Variants in PTCHD4 observed in about 807,000 individuals in gnomAD.
PTCHD4 encodes the protein patched domain-containing protein 4.
A neutral mutation model predicts 58.1 loss-of-function variants in PTCHD4; 33 were observed. That is an observed-to-expected ratio of 0.57 (90% CI 0.43 to 0.76). The LOEUF is 0.76. Ranked by LOEUF, PTCHD4 falls within the 30% of genes least tolerant of loss-of-function variation. The pLI is 0.00. For synonymous variants in PTCHD4, 478 were observed against 409.6 expected (o/e 1.17, Z -2.02); for missense variants, 1,058 against 1,027.1 (o/e 1.03, Z -0.41).
rs1331693920 is a variant in PTCHD4 at position 47,877,473 on chromosome 6, T to C, written c.*830A>G. On this transcript the variant is annotated 3_prime_UTR_variant, in exon 5 of 5. Coordinates refer to ENST00000339488, the MANE Select transcript of PTCHD4 (RefSeq NM_001384253.1). ...GAAACAGTAAACCTTGTCCATGTGG[T>C]AATTAATTCAAATGCCTTTTGTGTT... 2.0e-5 allele frequency among the ~76,000 whole-genome samples: 3 copies of C among 152,082 alleles called. No homozygotes were observed. Among genetic ancestry groups the C allele is most frequent in the African/African-American group, 4.8e-5 (2 of 41,444 alleles).
chr6:48,056,827 A>G (rs983962566), intron 3 of PTCHD4, among the ~76,000 whole-genome samples: 15 of 152,194 alleles, frequency 9.9e-5, no homozygotes, highest in African/African-American at 3.4e-4. Context: ...AACTGCAAGC[A>G]CTGGTGACCA....
intron 4 of PTCHD4, among the ~76,000 whole-genome samples, chr6:47,987,325 T>G (rs960040105): frequency 6.6e-6 from 1 of 150,576 alleles, no homozygotes; most frequent in Admixed American, 6.6e-5. Flanking sequence ...AGTTAATGGG[T>G]GCAGCACACC....
chr6:47,861,434 G>A lies in PTCHD4; in HGVS notation c.*16869C>T, dbSNP rs1037204789. 6.6e-6 allele frequency among the ~76,000 whole-genome samples: 1 copy of A among 151,874 alleles called. No homozygotes were observed. Among genetic ancestry groups the A allele is most frequent in the Admixed American group, 6.6e-5 (1 of 15,220 alleles). Reference sequence around the variant, plus strand: ...CACTTACATTCACTAATTTGTTTAAGTGTATTAATTTCAAACAAAAAGATG... The same window carrying A: ...CACTTACATTCACTAATTTGTTTAAATGTATTAATTTCAAACAAAAAGATG... On this transcript the variant is annotated 3_prime_UTR_variant, in exon 5 of 5. Coordinates refer to ENST00000339488, the MANE Select transcript of PTCHD4 (RefSeq NM_001384253.1).
intron 4 of PTCHD4, among the ~76,000 whole-genome samples, chr6:47,964,345 A>G (rs536118340): frequency 2.6e-5 from 4 of 152,280 alleles, no homozygotes; most frequent in African/African-American, 7.2e-5. Context: ...AGGAAGTTGC[A>G]TTGAGGCACT....
intron 4 of PTCHD4, among the ~76,000 whole-genome samples, chr6:48,003,965 A>G (rs906346515): frequency 3.3e-5 from 5 of 152,208 alleles, no homozygotes; most frequent in East Asian, 3.8e-4. Flanking sequence ...TTATCTGACC[A>G]CTTATGTTCT....
chr6:48,076,326 G>A (rs1469433096), intron 1 of PTCHD4, among the ~76,000 whole-genome samples: 1 of 152,136 alleles, frequency 6.6e-6, no homozygotes, highest in Admixed American at 6.5e-5. Context: ...TTATCCATAA[G>A]GGTTGGAATC....
chr6:48,099,091 A>G (rs1765539681), intron 1 of PTCHD4, among the ~76,000 whole-genome samples: 1 of 152,122 alleles, frequency 6.6e-6, no homozygotes, highest in South Asian at 2.1e-4. Context: ...TCTTCCTTTC[A>G]TTTGAGAAGC....
At chr6:47,884,796 G>T (rs368839219) in intron 4 of PTCHD4, among the ~76,000 whole-genome samples, 3 of 152,120 alleles carry the variant, frequency 2.0e-5, no homozygotes, top group African/African-American at 7.2e-5. Flanking sequence ...ATGAAAATGC[G>T]GCTGATTCTT....
At chr6:48,108,879 G>C (rs2113921299) in intron 1 of PTCHD4, among the ~76,000 whole-genome samples, 1 of 151,844 alleles carries the variant, frequency 6.6e-6, no homozygotes, top group East Asian at 1.9e-4. Context: ...TATTAAAAAT[G>C]CTAGCAAGTC....
chr6:47,885,147 C>T lies in PTCHD4; in HGVS notation c.899-5211G>A, dbSNP rs533938903. Among the ~76,000 whole-genome samples, 20 of 152,150 alleles carry T rather than the reference C, an allele frequency of 1.3e-4. No homozygotes were observed. In the South Asian group the frequency reaches 3.7e-3, roughly 28 times the overall value. On this transcript the variant is annotated intron_variant, in intron 4 of 4. Coordinates refer to ENST00000339488, the MANE Select transcript of PTCHD4 (RefSeq NM_001384253.1). ...ACTCACTCGGGACATTATTAGATGACTAATATTTCCTTTAGCACAGTTTTT... is the reference window on the plus strand; with the variant it reads ...ACTCACTCGGGACATTATTAGATGATTAATATTTCCTTTAGCACAGTTTTT...
chr6:47,879,985 G>C, intron 4 of PTCHD4, 49 bp from the exon 5 acceptor site: 9 of 1,329,290 alleles, frequency 6.8e-6, no homozygotes, highest in Non-Finnish European at 9.1e-6. Context: ...TTCCTCCTAT[G>C]GCTCAAGTGA....
Position 47,878,443 on chromosome 6 carries a change from C to A in PTCHD4, c.2392G>T (p.Val798Phe). The A allele has an allele frequency of 6.2e-7, 1 of 1,613,404 alleles. No individual in the cohort carries two copies. The highest frequency in any genetic ancestry group is 8.5e-7 in the Non-Finnish European group (1 of 1,179,650). The change falls in exon 5 of 5, where the codon GTT becomes TTT. Residue 798 changes from valine to phenylalanine, a missense_variant. Physicochemically the swap from Val to Phe is conservative, Grantham distance 50. Transcript: ENST00000339488. ...AACGTTAGGAACACAGGTAAAATAA[C>A]AAAACAGTGCAGAAGTGTGCAACCC... ...TGGCTLLHCF[V>F]ILPVFLTFFP...
intron 3 of PTCHD4, among the ~76,000 whole-genome samples, chr6:48,056,861 A>C (rs948471452): frequency 2.6e-5 from 4 of 152,238 alleles, no homozygotes; most frequent in African/African-American, 9.6e-5. Flanking sequence ...TCTGTGCTGA[A>C]GTCTCCAGAT....
intron 4 of PTCHD4, among the ~76,000 whole-genome samples, chr6:47,925,531 A>G (rs1294587920): frequency 1.3e-5 from 2 of 152,202 alleles, no homozygotes; most frequent in African/African-American, 4.8e-5. Flanking sequence ...CCATCAAAGC[A>G]AAGAGTTCCC....
chr6:47,882,160 A>C (rs1418604161), intron 4 of PTCHD4, among the ~76,000 whole-genome samples: 1 of 152,136 alleles, frequency 6.6e-6, no homozygotes, highest in Non-Finnish European at 1.5e-5. Context: ...CTTTAATGAG[A>C]GCATCTCTCT....
intron 3 of PTCHD4, among the ~76,000 whole-genome samples, chr6:48,013,315 A>G (rs548623554): frequency 6.6e-6 from 1 of 151,498 alleles, no homozygotes; most frequent in Non-Finnish European, 1.5e-5. Context: ...GAATACAATC[A>G]TTCTATTTAT....
chr6:47,956,915 G>T (rs1329042625), intron 4 of PTCHD4, among the ~76,000 whole-genome samples: 2 of 151,980 alleles, frequency 1.3e-5, no homozygotes, highest in Non-Finnish European at 2.9e-5. Context: ...TGTAATCCTA[G>T]CACTTTGGGA....
In PTCHD4 at chr6:47,935,893, A is replaced by G. The variant is rs530647533; in HGVS notation, c.899-55957T>C. ...CTAATGAGGCAGATAAGGAGGGTAGAGAGTACCAGTGGCAGTATGATTGAT... is the reference window on the plus strand; with the variant it reads ...CTAATGAGGCAGATAAGGAGGGTAGGGAGTACCAGTGGCAGTATGATTGAT... On this transcript the variant is annotated intron_variant, in intron 4 of 4. Coordinates refer to ENST00000339488, the MANE Select transcript of PTCHD4 (RefSeq NM_001384253.1). Among the ~76,000 whole-genome samples the G allele has an allele frequency of 4.6e-5, 7 of 152,330 alleles. No individual in the cohort carries two copies. The South Asian group carries it at 1.5e-3, about 32-fold the overall frequency.
intron 4 of PTCHD4, among the ~76,000 whole-genome samples, chr6:47,938,386 A>G (rs1766091387): frequency 6.6e-6 from 1 of 152,160 alleles, no homozygotes; most frequent in African/African-American, 2.4e-5. Context: ...ACCTCTAGGC[A>G]TCAACAATCT....
Sources: allele counts gnomAD v4.1 joint callset (sites outside exome capture counted in the v4.1 genomes callset), GRCh38; gene constraint gnomAD v4.1.1; transcripts MANE v1.5; gene names NCBI Gene and HGNC (gene_info 2026-07-23, HGNC 2026-07-21).